CAMKMT: variants seen among roughly 807,000 people sequenced by gnomAD.
The protein encoded by CAMKMT is calmodulin-lysine N-methyltransferase.
CAMKMT carries 53 observed loss-of-function variants against 48.0 expected under a neutral mutation model. The observed-to-expected ratio is 1.10, with a 90% confidence interval of 0.89 to 1.39. The LOEUF is 1.39. CAMKMT is among the 40% of genes most tolerant of loss of function. The pLI is 0.00. For synonymous variants in CAMKMT, 165 were observed against 152.3 expected (o/e 1.08, Z -0.61); for missense variants, 428 against 402.7 (o/e 1.06, Z -0.54).
At chr2:44,767,753 G>T (rs538754913) in intron 10 of CAMKMT, among the ~76,000 whole-genome samples, 1 of 151,948 alleles carries the variant, frequency 6.6e-6, no homozygotes, top group African/African-American at 2.4e-5. Context: ...AAAAAAAAGC[G>T]GGTCTTTACC....
At chr2:44,670,664 AAAAT>A (rs934728130) in intron 3 of CAMKMT, among the ~76,000 whole-genome samples, 10 of 152,126 alleles carry the variant, frequency 6.6e-5, no homozygotes, top group Non-Finnish European at 1.3e-4. Flanking sequence ...CTGTCTCTAA[AAAAT>A]AAATAAATAA....
At chr2:44,544,176 AC>A in intron 3 of CAMKMT, among the ~76,000 whole-genome samples, 1 of 152,182 alleles carries the variant, frequency 6.6e-6, no homozygotes, top group South Asian at 2.1e-4. Context: ...CCATGTTTAT[AC>A]CTAAAATAGT....
intron 3 of CAMKMT, among the ~76,000 whole-genome samples, chr2:44,392,562 A>G (rs1257238783): frequency 6.6e-6 from 1 of 152,076 alleles, no homozygotes; most frequent in East Asian, 1.9e-4. Flanking sequence ...CGCCACAATC[A>G]TAATTCTTTG....
At chr2:44,686,276 C>T (rs1676330106) in intron 3 of CAMKMT, among the ~76,000 whole-genome samples, 2 of 151,770 alleles carry the variant, frequency 1.3e-5, no homozygotes, top group Admixed American at 1.3e-4. Flanking sequence ...GCCTGTAGTC[C>T]CAGCTACTCG....
chr2:44,366,713 C>CTATTATTAT (rs1270276265), intron 1 of CAMKMT, among the ~76,000 whole-genome samples: 2 of 94,360 alleles, frequency 2.1e-5, no homozygotes, highest in Non-Finnish European at 5.6e-5. Context: ...TAAATAGCAG[C>CTATTATTAT]TATTGTTATT....
intron 8 of CAMKMT, among the ~76,000 whole-genome samples, chr2:44,753,604 T>C (rs1680247620): frequency 6.6e-6 from 1 of 152,204 alleles, no homozygotes; most frequent in Non-Finnish European, 1.5e-5. Flanking sequence ...CTAAACTCTA[T>C]TACCTCCTGA....
At chr2:44,651,715 G>T (rs1674076735) in intron 3 of CAMKMT, among the ~76,000 whole-genome samples, 1 of 152,190 alleles carries the variant, frequency 6.6e-6, no homozygotes, top group South Asian at 2.1e-4. Flanking sequence ...GCCTGGAGTT[G>T]TGTTAAGGTG....
At position 44,449,463 on chromosome 2, in the gene CAMKMT, T is replaced by C. The variant is rs1011925560; in HGVS notation, c.376+59158T>C. 7.2e-5 allele frequency among the ~76,000 whole-genome samples: 11 copies of C among 152,202 alleles called. 1 individual carries two copies. The highest frequency in any genetic ancestry group is 5.9e-4 in the Admixed American group (9 of 15,272). ...TTCTTCCCAATTATCCAATTTCTGCTGTCCTTTCGGTTTTTTATATCTCAG... is the reference window on the plus strand; with the variant it reads ...TTCTTCCCAATTATCCAATTTCTGCCGTCCTTTCGGTTTTTTATATCTCAG... On this transcript the variant is annotated intron_variant, in intron 3 of 10. Transcript: ENST00000378494.
At chr2:44,663,850 C>A (rs1674812911) in intron 3 of CAMKMT, among the ~76,000 whole-genome samples, 1 of 152,044 alleles carries the variant, frequency 6.6e-6, no homozygotes, top group Non-Finnish European at 1.5e-5. Context: ...AGTGAGCAAA[C>A]CACAAATAGT....
chr2:44,520,261 G>T (rs1450578183), intron 3 of CAMKMT, among the ~76,000 whole-genome samples: 3 of 151,856 alleles, frequency 2.0e-5, no homozygotes, highest in African/African-American at 7.3e-5. Flanking sequence ...TTGAGATGGG[G>T]TCTCGCTATG....
intron 3 of CAMKMT, among the ~76,000 whole-genome samples, chr2:44,592,077 G>A (rs1410691093): frequency 6.8e-6 from 1 of 146,042 alleles, no homozygotes; most frequent in Non-Finnish European, 1.5e-5. Flanking sequence ...GTGGGGGGAA[G>A]GGGGAGGGAT....
At chr2:44,691,673 C>G (rs1676662846) in intron 3 of CAMKMT, among the ~76,000 whole-genome samples, 1 of 152,100 alleles carries the variant, frequency 6.6e-6, no homozygotes, top group African/African-American at 2.4e-5. Flanking sequence ...TAGTGAGAGG[C>G]AGCAGATCCC....
intron 3 of CAMKMT, among the ~76,000 whole-genome samples, chr2:44,630,889 A>G (rs1246148738): frequency 4.6e-5 from 7 of 152,034 alleles, no homozygotes; most frequent in Non-Finnish European, 8.8e-5. Context: ...CAGCCATCCC[A>G]TTACTGGGTA....
intron 3 of CAMKMT, among the ~76,000 whole-genome samples, chr2:44,395,473 T>C (rs112848246): frequency 1.3e-5 from 2 of 152,164 alleles, no homozygotes; most frequent in African/African-American, 4.8e-5. Context: ...ATATACACAG[T>C]ACAGTGGTTT....
intron 2 of CAMKMT, among the ~76,000 whole-genome samples, chr2:44,378,781 C>T (rs942164227): frequency 1.1e-4 from 17 of 152,278 alleles, no homozygotes; most frequent in East Asian, 3.9e-4. Flanking sequence ...CGTGAGCCAC[C>T]GCGCCTGGCC....
chr2:44,524,481 TCTC>T (rs1671297002), intron 3 of CAMKMT, among the ~76,000 whole-genome samples: 1 of 152,144 alleles, frequency 6.6e-6, no homozygotes, highest in Admixed American at 6.5e-5. Flanking sequence ...TTATTTTTCT[TCTC>T]TTCTTCCTCT....
At chr2:44,368,298 A>G (rs1210137450) in intron 1 of CAMKMT, among the ~76,000 whole-genome samples, 7 of 152,210 alleles carry the variant, frequency 4.6e-5, no homozygotes, top group Non-Finnish European at 1.0e-4. Context: ...TTATAACTTG[A>G]TGGGAGATTT....
chr2:44,741,120 G>A (rs566914739), intron 7 of CAMKMT, among the ~76,000 whole-genome samples: 1 of 152,246 alleles, frequency 6.6e-6, no homozygotes, highest in East Asian at 1.9e-4. Context: ...CATATGATCA[G>A]TGGACTTGTA....
intron 3 of CAMKMT, among the ~76,000 whole-genome samples, chr2:44,605,058 T>G (rs535598212): frequency 2.0e-5 from 3 of 152,182 alleles, no homozygotes; most frequent in Non-Finnish European, 4.4e-5. Flanking sequence ...TTTTCTCACC[T>G]TCTGTCTGTC....
Sources: gnomAD v4.1 joint callset for allele counts (sites outside exome capture counted in the v4.1 genomes callset) on GRCh38, gnomAD v4.1.1 for gene constraint, MANE v1.5 for transcripts, NCBI Gene and HGNC (gene_info 2026-07-23, HGNC 2026-07-21) for gene names.